Variants in ERG28 observed in about 807,000 individuals in gnomAD.
The protein encoded by ERG28 is ergosterol biosynthetic protein 28 homolog.
A neutral mutation model predicts 15.7 loss-of-function variants in ERG28; 9 were observed. That is an observed-to-expected ratio of 0.57 (90% CI 0.35 to 1.00). The LOEUF (loss-of-function observed/expected upper bound fraction) is 1.00, where lower values mean the gene tolerates loss of function less well. Ranked by LOEUF, ERG28 falls within the 50% of genes least tolerant of loss-of-function variation. The pLI is 0.02. For synonymous variants in ERG28, 61 were observed against 68.4 expected (o/e 0.89, Z 0.53); for missense variants, 117 against 173.3 (o/e 0.68, Z 1.82).
intron 3 of ERG28, among the ~76,000 whole-genome samples, chr14:75,654,608 C>G (rs545536719): frequency 6.6e-6 from 1 of 152,216 alleles, no homozygotes; most frequent in Non-Finnish European, 1.5e-5. Context: ...AGGGCTGATT[C>G]TTTCATAAAG....
chr14:75,657,418 C>T lies in ERG28; in HGVS notation c.85G>A (p.Asp29Asn). The T allele has an allele frequency of 6.2e-7, 1 of 1,612,894 alleles. No individual in the cohort carries two copies. Among genetic ancestry groups the T allele is most frequent in the Non-Finnish European group, 8.5e-7 (1 of 1,179,602 alleles). Reference protein sequence around the residue: ...AMGNTLQSFRDHTFLYEKLYT... With the variant: ...AMGNTLQSFRNHTFLYEKLYT... ...AGCTTTTCATAGAGAAAAGTGTGGTCTCGGAAGCTCTGCAGCGTGTTCCCC... is the reference window on the plus strand; with the variant it reads ...AGCTTTTCATAGAGAAAAGTGTGGTTTCGGAAGCTCTGCAGCGTGTTCCCC... The change falls in exon 2 of 5, where the codon GAC becomes AAC. Residue 29 changes from aspartate (D) to asparagine (N), a missense_variant. Asp to Asn is a conservative substitution (Grantham distance 23). Coordinates refer to ENST00000256319, the MANE Select transcript of ERG28 (RefSeq NM_007176.4).
chr14:75,655,359 A>T (rs1890584062), intron 2 of ERG28, among the ~76,000 whole-genome samples: 1 of 152,238 alleles, frequency 6.6e-6, no homozygotes, highest in Non-Finnish European at 1.5e-5. Flanking sequence ...GATGCCCAGG[A>T]GGCCAGCAGA....
rs367672078 is a variant in ERG28, at chr14:75,657,355, T to G, written c.133+15A>C. On this transcript the variant is annotated intron_variant, in intron 2 of 4. Coordinates refer to ENST00000256319, the MANE Select transcript of ERG28 (RefSeq NM_007176.4). ...TAAGTCCTATAAAGGATGCAGAAATTCTTTGATTTCTTACCAAGGTTTGGC... is the reference window on the plus strand; with the variant it reads ...TAAGTCCTATAAAGGATGCAGAAATGCTTTGATTTCTTACCAAGGTTTGGC... The G allele has an allele frequency of 5.0e-6, 8 of 1,613,748 alleles. No individual in the cohort carries two copies. The African/African-American group carries it at 1.1e-4, about 22-fold the overall frequency.
At chr14:75,658,164 G>A (rs573048276) in intron 1 of ERG28, among the ~76,000 whole-genome samples, 2 of 152,172 alleles carry the variant, frequency 1.3e-5, no homozygotes, top group African/African-American at 4.8e-5. Flanking sequence ...TGTTATATTC[G>A]TTGTGTTTTC....
intron 3 of ERG28, among the ~76,000 whole-genome samples, chr14:75,654,648 A>G (rs1206742672): frequency 6.6e-6 from 1 of 152,232 alleles, no homozygotes; most frequent in African/African-American, 2.4e-5. Flanking sequence ...AGGCCACTGG[A>G]TAATGGCCTG....
intron 3 of ERG28, among the ~76,000 whole-genome samples, chr14:75,653,805 G>T (rs1037851677): frequency 1.3e-5 from 2 of 151,966 alleles, no homozygotes; most frequent in African/African-American, 4.8e-5. Flanking sequence ...GGATGAAGAG[G>T]CCAAGGTGCA....
chr14:75,651,680 T>C lies in ERG28; in HGVS notation c.344-46A>G, dbSNP rs188419927. 617 of 1,596,266 alleles carry C rather than the reference T, an allele frequency of 3.9e-4. 4 individuals carry two copies. In the East Asian group the frequency reaches 0.013, roughly 33 times the overall value. On this transcript the variant is annotated intron_variant, in intron 4 of 4. Coordinates refer to ENST00000256319, the MANE Select transcript of ERG28 (RefSeq NM_007176.4). ...TAGTGACTAACATACATACGGTACC[T>C]TTCTTCTCTCTCTCTCCTGTGTCCA...
chr14:75,653,139 T>A (rs1890551075), intron 3 of ERG28, among the ~76,000 whole-genome samples: 1 of 151,848 alleles, frequency 6.6e-6, no homozygotes, highest in African/African-American at 2.4e-5. Context: ...GTGGAAACAA[T>A]ATGTATGTGT....
intron 3 of ERG28, among the ~76,000 whole-genome samples, chr14:75,653,409 C>T (rs1055351865): frequency 5.3e-5 from 8 of 151,618 alleles, no homozygotes; most frequent in Non-Finnish European, 1.0e-4. Context: ...CGAGACCAGC[C>T]TGGCCAACAT....
Position 75,651,633 on chromosome 14 carries a change from A to G in ERG28, c.345T>C (p.Ser115=). ...IGVLAPLMVA[S]FSILGMLVGL... ...CGACCAGCATACCCAGGATGGAGAA[A>G]CCTTAAATACAGAGGAAAGACTAGT... Residue 115 remains serine, a splice_region_variant and synonymous_variant, in exon 5 of 5, where the codon AGT becomes AGC. Coordinates refer to ENST00000256319, the MANE Select transcript of ERG28 (RefSeq NM_007176.4). The G allele has an allele frequency of 6.2e-7, 1 of 1,612,868 alleles. No homozygotes were observed.
intron 1 of ERG28, among the ~76,000 whole-genome samples, chr14:75,658,532 C>T (rs1040836482): frequency 2.0e-5 from 3 of 152,084 alleles, no homozygotes; most frequent in Admixed American, 6.5e-5. Flanking sequence ...GACCACCAAC[C>T]GTGGACTGCT....
In ERG28 at chr14:75,651,784, G is replaced by C; in HGVS notation, c.330C>G (p.Pro110=). 6.2e-7 allele frequency: 1 copy of C among 1,612,924 alleles called. No homozygotes were observed. Among genetic ancestry groups the C allele is most frequent in the Non-Finnish European group, 8.5e-7 (1 of 1,178,886 alleles). The part of the protein sequence containing the change: ...TAAPTIGVLA[P]LMVASFSILG... Reference sequence around the variant, plus strand: ...TTGGATGCTTACTTGCCACCATCAGGGGTGCCAGGACGCCAATCGTGGGAG... The same window carrying C: ...TTGGATGCTTACTTGCCACCATCAGCGGTGCCAGGACGCCAATCGTGGGAG... Residue 110 remains proline, a synonymous_variant, in exon 4 of 5, where the codon CCC becomes CCG. Transcript: ENST00000256319.
intron 1 of ERG28, among the ~76,000 whole-genome samples, chr14:75,660,475 T>C (rs1566803832): frequency 6.6e-6 from 1 of 152,162 alleles, no homozygotes; most frequent in Non-Finnish European, 1.5e-5. Context: ...GAGATAGAAA[T>C]ATCAACCCGA....
At chr14:75,653,559 G>C (rs1390795167) in intron 3 of ERG28, among the ~76,000 whole-genome samples, 1 of 151,008 alleles carries the variant, frequency 6.6e-6, no homozygotes, top group Non-Finnish European at 1.5e-5. Flanking sequence ...AGGGAGCTGA[G>C]ATTGTGCCAC....
chr14:75,652,395 C>A (rs1328635945), intron 3 of ERG28, among the ~76,000 whole-genome samples: 2 of 152,134 alleles, frequency 1.3e-5, no homozygotes, highest in Admixed American at 6.5e-5. Flanking sequence ...TTGCAATATA[C>A]GTTGGTTACT....
chr14:75,652,817 C>CTTTTT (rs59570063), intron 3 of ERG28, among the ~76,000 whole-genome samples: 71 of 96,220 alleles, frequency 7.4e-4, no homozygotes, highest in African/African-American at 1.7e-3. Flanking sequence ...ATTTTTACAC[C>CTTTTT]TTTTTTTTTT....
chr14:75,659,928 GA>G (rs1477764777), intron 1 of ERG28, among the ~76,000 whole-genome samples: 1 of 151,016 alleles, frequency 6.6e-6, no homozygotes, highest in Non-Finnish European at 1.5e-5. Context: ...AAGGAAGGGT[GA>G]ATTGATGAGC....
At position 75,657,411 on chromosome 14, in the gene ERG28, G is replaced by A; in HGVS notation, c.92C>T (p.Thr31Ile). 1.2e-6 allele frequency: 2 copies of A among 1,613,204 alleles called. No homozygotes were observed. Among genetic ancestry groups the A allele is most frequent in the Non-Finnish European group, 1.7e-6 (2 of 1,179,654 alleles). ...AGTGTAGAGCTTTTCATAGAGAAAA[G>A]TGTGGTCTCGGAAGCTCTGCAGCGT... is the stretch of plus-strand genomic sequence containing the variant. ...GNTLQSFRDH[T>I]FLYEKLYTGK... The change falls in exon 2 of 5, where the codon ACT becomes ATT. Residue 31 changes from threonine (T) to isoleucine (I), a missense_variant. Coordinates refer to ENST00000256319, the MANE Select transcript of ERG28 (RefSeq NM_007176.4).
intron 2 of ERG28, 144 bp downstream of exon 2, chr14:75,657,226 T>C: frequency 9.9e-7 from 1 of 1,009,486 alleles, no homozygotes; most frequent in Non-Finnish European, 1.4e-6. Context: ...CCAGGTTCAA[T>C]AAATAGGTTT....
Sources: allele counts gnomAD v4.1 joint callset (sites outside exome capture counted in the v4.1 genomes callset), GRCh38; gene constraint gnomAD v4.1.1; transcripts MANE v1.5; gene names NCBI Gene and HGNC (gene_info 2026-07-23, HGNC 2026-07-21).